NOD1: variants seen among roughly 807,000 people sequenced by gnomAD.
The protein encoded by NOD1 is nucleotide binding oligomerization domain containing 1.
Under a neutral mutation model 81.2 loss-of-function variants are expected in NOD1, and 70 were observed. That is an observed-to-expected ratio of 0.86 (90% confidence interval 0.71 to 1.05). The LOEUF is 1.05. NOD1 is among the 50% of genes least tolerant of loss of function. The probability of loss-of-function intolerance (pLI) is 0.00; values close to 1 mark genes in which losing one functional copy is unlikely to be tolerated. For synonymous variants in NOD1, 508 were observed against 526.9 expected (o/e 0.96, Z 0.49); for missense variants, 1,233 against 1,228.0 (o/e 1.00, Z -0.06).
intron 1 of NOD1, among the ~76,000 whole-genome samples, chr7:30,465,354 A>G (rs946891294): frequency 6.7e-6 from 1 of 148,806 alleles, no homozygotes; most frequent in Non-Finnish European, 1.5e-5. Context: ...TATCTTTATA[A>G]TAAACCCCCA....
chr7:30,468,043 G>T (rs1787892907), intron 1 of NOD1, among the ~76,000 whole-genome samples: 1 of 152,032 alleles, frequency 6.6e-6, no homozygotes, highest in Non-Finnish European at 1.5e-5. Flanking sequence ...TCAACTTAGG[G>T]TATTACCATT....
chr7:30,435,920 TGCACTCAA>T (rs1341490127), intron 11 of NOD1, 70 bp downstream of exon 11: 9 of 1,188,646 alleles, frequency 7.6e-6, no homozygotes. Context: ...ATCACACCAA[TGCACTCAA>T]GCCTGGACGA....
chr7:30,459,263 A>T (rs970408051), intron 2 of NOD1, 23 bp from the exon 3 acceptor site: 3 of 152,612 alleles, frequency 2.0e-5, no homozygotes, highest in Non-Finnish European at 4.4e-5. Context: ...AGAAAGACTT[A>T]AAAAAATTAT....
rs1434411594 is a variant in NOD1 at position 30,453,159 on chromosome 7, CCT to C, written c.377-121_377-120del. Reference sequence around the variant, plus strand: ...CATAAACAAAATTCACAACCTGGGCCCTGAGGCCAGCGCAGCCACTCCTCAGA... The same window carrying C: ...CATAAACAAAATTCACAACCTGGGCCGAGGCCAGCGCAGCCACTCCTCAGA... On this transcript the variant is annotated intron_variant, in intron 5 of 13. Transcript: ENST00000222823. 5.3e-6 allele frequency: 6 copies of C among 1,137,604 alleles called. No homozygotes were observed. The Admixed American group carries it at 1.6e-4, about 30-fold the overall frequency. 70.5% of individuals were successfully genotyped at this position (1,137,604 alleles called of 1,614,324 possible). A position where few individuals can be genotyped will look rare whatever the true frequency, so the allele number is the denominator to read the frequency against.
intron 5 of NOD1, among the ~76,000 whole-genome samples, chr7:30,454,128 T>C (rs1209604936): frequency 2.0e-5 from 3 of 152,234 alleles, no homozygotes; most frequent in African/African-American, 7.2e-5. Flanking sequence ...AGCTGGAGCC[T>C]AGCACTGACA....
chr7:30,476,529 A>G (rs959578041), intron 1 of NOD1, among the ~76,000 whole-genome samples: 2 of 152,218 alleles, frequency 1.3e-5, no homozygotes, highest in African/African-American at 4.8e-5. Context: ...AGGAACACCA[A>G]GGGTATGGTC....
chr7:30,439,712 TAAACAAAGCAGCCGGG>T (rs1784747224), intron 9 of NOD1, among the ~76,000 whole-genome samples: 1 of 97,454 alleles, frequency 1.0e-5, no homozygotes, highest in Non-Finnish European at 2.0e-5. Flanking sequence ...CTTGCTTAGG[TAAACAAAGCAGCCGGG>T]AAGCTCGAAC....
At chr7:30,469,122 T>C in intron 1 of NOD1, 2 of 985,180 alleles carry the variant, frequency 2.0e-6, no homozygotes, top group Non-Finnish European at 2.4e-6. Flanking sequence ...TGTTGTTGTC[T>C]GTTTGTTTTT....
intron 1 of NOD1, among the ~76,000 whole-genome samples, chr7:30,462,091 CAG>C (rs1429710280): frequency 1.3e-5 from 2 of 152,160 alleles, no homozygotes; most frequent in Non-Finnish European, 2.9e-5. Flanking sequence ...CTCAGTGAGA[CAG>C]AGGTTAAAGA....
chr7:30,446,468 C>T (rs1185608870), intron 8 of NOD1: 3 of 531,774 alleles, frequency 5.6e-6, no homozygotes, highest in African/African-American at 3.8e-5. Context: ...GGGACCTGAG[C>T]CCTCCCTGGG....
chr7:30,453,481 G>A (rs1245132005), intron 5 of NOD1, among the ~76,000 whole-genome samples: 2 of 152,150 alleles, frequency 1.3e-5, no homozygotes, highest in Admixed American at 6.5e-5. Flanking sequence ...AGGCTAGGGT[G>A]CAGTGACCCA....
At chr7:30,428,313 G>T (rs944193974) in intron 13 of NOD1, among the ~76,000 whole-genome samples, 1 of 152,024 alleles carries the variant, frequency 6.6e-6, no homozygotes, top group African/African-American at 2.4e-5. Flanking sequence ...TGCCCATCTT[G>T]GCCTCCCAAA....
In NOD1 at chr7:30,459,988, A is replaced by C. The variant is rs1786847895; in HGVS notation, c.-298T>G. ...TTCTGTAATCGCCGCCACAATCTCC[A>C]CCTCTTGCCATCAAAGGCAGAAACC... On this transcript the variant is annotated 5_prime_UTR_variant, in exon 2 of 14. Coordinates refer to ENST00000222823, the MANE Select transcript of NOD1 (RefSeq NM_006092.4). 1 of 153,254 alleles carries C rather than the reference A, an allele frequency of 6.5e-6. No homozygotes were observed. The highest frequency in any genetic ancestry group is 2.4e-5 in the African/African-American group (1 of 41,394). 9.5% of individuals were successfully genotyped at this position (153,254 alleles called of 1,614,324 possible). A position where few individuals can be genotyped will look rare whatever the true frequency, so the allele number is the denominator to read the frequency against.
At chr7:30,453,637 C>T (rs762685353) in intron 5 of NOD1, among the ~76,000 whole-genome samples, 1 of 152,160 alleles carries the variant, frequency 6.6e-6, no homozygotes, top group African/African-American at 2.4e-5. Flanking sequence ...CCAGGCTGGT[C>T]TCAAATTCCT....
chr7:30,439,498 C>CG (rs1355027464), intron 9 of NOD1, among the ~76,000 whole-genome samples: 22 of 132,754 alleles, frequency 1.7e-4, no homozygotes, highest in African/African-American at 4.7e-4. Flanking sequence ...GGGTGACGGA[C>CG]GCACCTGGAA....
rs1789033747 is a variant in NOD1 at position 30,478,584 on chromosome 7, A to T, written c.-352+22T>A. On this transcript the variant is annotated intron_variant, in intron 1 of 13. Transcript: ENST00000222823. This position sits in a 1 kb window ranked among gnomAD's most constrained non-coding sequence, Gnocchi z 4.1. Reference sequence around the variant, plus strand: ...CTCAGAAAGGGCCTGCCCCGCGCGAATCCCCAGTCGCTGGGACTTACTTGG... The same window carrying T: ...CTCAGAAAGGGCCTGCCCCGCGCGATTCCCCAGTCGCTGGGACTTACTTGG... 1 of 152,290 alleles carries T rather than the reference A, an allele frequency of 6.6e-6. No homozygotes were observed. The allele number at this position is 152,290 out of a possible 1,614,324, so 9.4% of individuals were successfully genotyped here.
intron 7 of NOD1, 106 bp downstream of exon 7, chr7:30,448,192 C>T: frequency 1.1e-6 from 1 of 946,624 alleles, no homozygotes; most frequent in East Asian, 2.4e-5. Flanking sequence ...TCTTCCCAGC[C>T]CTGGGCCATC....
Position 30,478,573 on chromosome 7 carries a change from G to C in NOD1, c.-352+33C>G, listed in dbSNP as rs1273273621. 1 of 152,386 alleles carries C rather than the reference G, an allele frequency of 6.6e-6. No individual in the cohort carries two copies. Among genetic ancestry groups the C allele is most frequent in the Non-Finnish European group, 1.5e-5 (1 of 68,220 alleles). The allele number at this position is 152,386 out of a possible 1,614,324, so 9.4% of individuals were successfully genotyped here. A position where few individuals can be genotyped will look rare whatever the true frequency, so the allele number is the denominator to read the frequency against. Reference sequence around the variant, plus strand: ...GCGCCCAGGACCTCAGAAAGGGCCTGCCCCGCGCGAATCCCCAGTCGCTGG... The same window carrying C: ...GCGCCCAGGACCTCAGAAAGGGCCTCCCCCGCGCGAATCCCCAGTCGCTGG... On this transcript the variant is annotated intron_variant, in intron 1 of 13. Coordinates refer to ENST00000222823, the MANE Select transcript of NOD1 (RefSeq NM_006092.4). The surrounding 1 kb of genome is among the most constrained non-coding windows in gnomAD (Gnocchi z 4.1).
chr7:30,439,399 G>A (rs1365536142), intron 9 of NOD1, among the ~76,000 whole-genome samples: 1 of 139,722 alleles, frequency 7.2e-6, no homozygotes, highest in Non-Finnish European at 1.5e-5. Context: ...GTGTGTGCGC[G>A]CACCGTGCGC....
Sources: allele counts gnomAD v4.1 joint callset (sites outside exome capture counted in the v4.1 genomes callset), GRCh38; gene constraint gnomAD v4.1.1; non-coding constraint Gnocchi (gnomAD v3.1); transcripts MANE v1.5; gene names NCBI Gene and HGNC (gene_info 2026-07-23, HGNC 2026-07-21).